Variants in ASIC2 observed in about 807,000 individuals in gnomAD.
ASIC2 encodes the protein acid-sensing ion channel 2.
A neutral mutation model predicts 57.3 loss-of-function variants in ASIC2; 25 were observed. That is an observed-to-expected ratio of 0.44 (90% CI 0.32 to 0.61). ASIC2 has a LOEUF of 0.61. ASIC2 is among the 20% of genes least tolerant of loss of function. The pLI is 0.06. For missense variants in ASIC2, 641 were observed against 738.1 expected (o/e 0.87, Z 1.52); for synonymous variants, 319 against 307.5 (o/e 1.04, Z -0.39).
rs542566136 is a variant in ASIC2 at position 33,173,029 on chromosome 17, G to C, written c.709-60962C>G. 2.0e-5 allele frequency among the ~76,000 whole-genome samples: 3 copies of C among 152,190 alleles called. No homozygotes were observed. The South Asian group carries it at 6.2e-4, about 32-fold the overall frequency. On this transcript the variant is annotated intron_variant, in intron 1 of 9. Coordinates refer to ENST00000225823, the MANE Select transcript of ASIC2 (RefSeq NM_183377.2). Reference sequence around the variant, plus strand: ...CACAGTTTTCTTATCTGCCAGAGGGGACATTACTCATTACTCCCTTCCCCA... The same window carrying C: ...CACAGTTTTCTTATCTGCCAGAGGGCACATTACTCATTACTCCCTTCCCCA...
rs138133165 is a variant in ASIC2, at chr17:33,664,736, G to A, written c.555+491242C>T. On this transcript the variant is annotated intron_variant, in intron 1 of 9. Coordinates refer to the ASIC2 transcript ENST00000359872. ...ATACATTGTGATGGACTCAGTTCACGTGTTCCCAGCAAAGAGGATTTTTAC... is the reference window on the plus strand; with the variant it reads ...ATACATTGTGATGGACTCAGTTCACATGTTCCCAGCAAAGAGGATTTTTAC... Among the ~76,000 whole-genome samples the A allele has an allele frequency of 5.2e-3, 792 of 152,282 alleles. 5 individuals are homozygous for A. The highest frequency in any genetic ancestry group is 0.018 in the African/African-American group (753 of 41,538).
intron 1 of ASIC2, among the ~76,000 whole-genome samples, chr17:33,449,775 TC>T (rs982632639): frequency 8.3e-5 from 12 of 145,222 alleles, no homozygotes; most frequent in Middle Eastern, 3.6e-3. Flanking sequence ...TTTTTTCTTT[TC>T]TTTTTTTTTT....
chr17:33,860,080 A>G (rs1447336254), intron 1 of ASIC2, among the ~76,000 whole-genome samples: 1 of 152,064 alleles, frequency 6.6e-6, no homozygotes, highest in African/African-American at 2.4e-5. Context: ...TCTGTCACCC[A>G]CCAGATGGGT....
chr17:33,776,947 C>T (rs779467645), intron 1 of ASIC2, among the ~76,000 whole-genome samples: 1 of 152,224 alleles, frequency 6.6e-6, no homozygotes, highest in African/African-American at 2.4e-5. Context: ...CAGCCTCGCT[C>T]CCTCCATCCT....
chr17:33,142,216 T>C lies in ASIC2; in HGVS notation c.709-30149A>G, dbSNP rs190429945. On this transcript the variant is annotated intron_variant, in intron 1 of 9. Transcript: ENST00000225823. ...TTTATCTTGGGAATGGGGAAGGTAA[T>C]GAAATAAAGTAAGGACTCAAAAGTG... Among the ~76,000 whole-genome samples the C allele has an allele frequency of 2.6e-5, 4 of 152,232 alleles. No homozygotes were observed. In the East Asian group the frequency reaches 7.7e-4, roughly 29 times the overall value.
intron 1 of ASIC2, among the ~76,000 whole-genome samples, chr17:33,603,814 A>G (rs936791069): frequency 5.3e-5 from 8 of 152,234 alleles, no homozygotes; most frequent in Admixed American, 2.0e-4. Flanking sequence ...TCTAATCAGC[A>G]TTACTGAAGG....
chr17:34,131,164 C>T (rs1036562697), intron 1 of ASIC2, among the ~76,000 whole-genome samples: 2 of 151,848 alleles, frequency 1.3e-5, no homozygotes, highest in Non-Finnish European at 2.9e-5. Context: ...GGCTTTGCAC[C>T]ATGAAGAATT....
At chr17:33,070,170 T>C (rs1026873103) in intron 3 of ASIC2, among the ~76,000 whole-genome samples, 1 of 152,198 alleles carries the variant, frequency 6.6e-6, no homozygotes, top group East Asian at 1.9e-4. Context: ...CATCTTGTCC[T>C]TTACGATATT....
chr17:33,037,794 C>A (rs1162866483), intron 3 of ASIC2, among the ~76,000 whole-genome samples: 1 of 152,176 alleles, frequency 6.6e-6, no homozygotes, highest in African/African-American at 2.4e-5. Flanking sequence ...TGGATACATT[C>A]TGGCTCAACA....
At chr17:33,934,885 C>T (rs148344557) in intron 1 of ASIC2, among the ~76,000 whole-genome samples, 1 of 152,310 alleles carries the variant, frequency 6.6e-6, no homozygotes, top group East Asian at 1.9e-4. Context: ...TCTCACAGAC[C>T]TGTAGTGCCA....
At chr17:33,786,293 T>G (rs1264527850) in intron 1 of ASIC2, among the ~76,000 whole-genome samples, 2 of 152,144 alleles carry the variant, frequency 1.3e-5, no homozygotes, top group East Asian at 3.9e-4. Context: ...ATCTCAGACC[T>G]CTTCCCTCTG....
intron 1 of ASIC2, among the ~76,000 whole-genome samples, chr17:34,142,038 TA>T (rs2142136888): frequency 6.6e-6 from 1 of 152,264 alleles, no homozygotes; most frequent in South Asian, 2.1e-4. Context: ...CTGAAATAGC[TA>T]ACAGGCCCGG....
chr17:33,666,043 C>T (rs926784691), intron 1 of ASIC2, among the ~76,000 whole-genome samples: 7 of 152,090 alleles, frequency 4.6e-5, no homozygotes, highest in African/African-American at 1.4e-4. Flanking sequence ...CTCTGGCACC[C>T]GACGTGAGAA....
chr17:33,172,722 T>A (rs1268110871), intron 1 of ASIC2, among the ~76,000 whole-genome samples: 1 of 152,202 alleles, frequency 6.6e-6, no homozygotes, highest in South Asian at 2.1e-4. Flanking sequence ...AATGCAGTGG[T>A]TCTCAAAGTG....
chr17:33,912,894 G>A (rs761109784), intron 1 of ASIC2, among the ~76,000 whole-genome samples: 2 of 151,898 alleles, frequency 1.3e-5, no homozygotes, highest in African/African-American at 4.8e-5. Context: ...CAGGAGAATC[G>A]CTTGAACCCA....
chr17:33,098,662 A>G (rs1049278371), intron 2 of ASIC2, among the ~76,000 whole-genome samples: 1 of 152,238 alleles, frequency 6.6e-6, no homozygotes, highest in Non-Finnish European at 1.5e-5. Flanking sequence ...GCCATGGAGC[A>G]CACTAGTATT....
intron 1 of ASIC2, among the ~76,000 whole-genome samples, chr17:33,905,676 G>T (rs1915332644): frequency 6.6e-6 from 1 of 152,214 alleles, no homozygotes; most frequent in Non-Finnish European, 1.5e-5. Flanking sequence ...CAGGAGAGAG[G>T]TAGTTGTCAC....
At chr17:34,123,114 C>T (rs762460041) in intron 1 of ASIC2, among the ~76,000 whole-genome samples, 2 of 152,134 alleles carry the variant, frequency 1.3e-5, no homozygotes, top group Non-Finnish European at 2.9e-5. Context: ...CTTGCCCAGC[C>T]TATGAGAAGA....
At chr17:33,973,786 TC>T (rs1290939796) in intron 1 of ASIC2, among the ~76,000 whole-genome samples, 1 of 144,740 alleles carries the variant, frequency 6.9e-6, no homozygotes, top group Non-Finnish European at 1.5e-5. Context: ...CAGGTTCTCC[TC>T]TGGGTAAGCG....
Sources: gnomAD v4.1 joint callset for allele counts (sites outside exome capture counted in the v4.1 genomes callset) on GRCh38, gnomAD v4.1.1 for gene constraint, MANE v1.5 for transcripts, NCBI Gene and HGNC (gene_info 2026-07-23, HGNC 2026-07-21) for gene names.